Variants in VWC2L observed in about 807,000 individuals in gnomAD.
VWC2L encodes von Willebrand factor C domain containing 2 like.
In VWC2L, 10 loss-of-function variants were observed where a neutral mutation model predicts 21.6. The ratio of observed to expected loss-of-function variants is 0.46; its 90% confidence interval spans 0.29 to 0.78. VWC2L has a LOEUF of 0.78. Ranked by LOEUF, VWC2L falls within the 30% of genes least tolerant of loss-of-function variation. The pLI is 0.10. For missense variants in VWC2L, 209 were observed against 277.1 expected (o/e 0.75, Z 1.74); for synonymous variants, 96 against 94.3 (o/e 1.02, Z -0.10).
At chr2:214,564,967 T>A (rs1445297854) in intron 3 of VWC2L, among the ~76,000 whole-genome samples, 1 of 152,206 alleles carries the variant, frequency 6.6e-6, no homozygotes, top group Non-Finnish European at 1.5e-5. Context: ...CATCCTCATA[T>A]AATCCTATAC....
intron 3 of VWC2L, among the ~76,000 whole-genome samples, chr2:214,526,144 T>G (rs757023200): frequency 6.6e-6 from 1 of 151,274 alleles, no homozygotes; most frequent in African/African-American, 2.4e-5. Context: ...GAATAACGTA[T>G]ATATCCACAG....
rs567449363 is a variant in VWC2L at position 214,486,716 on chromosome 2, C to T, written c.520+49958C>T. On this transcript the variant is annotated intron_variant, in intron 3 of 3. Coordinates refer to ENST00000312504, the MANE Select transcript of VWC2L (RefSeq NM_001080500.4). Reference sequence around the variant, plus strand: ...TTATTTATTTTTTTCTTTACTGCAACTTTTCCATCCTATCACTGGGTCTGC... The same window carrying T: ...TTATTTATTTTTTTCTTTACTGCAATTTTTCCATCCTATCACTGGGTCTGC... Among the ~76,000 whole-genome samples, 9 of 152,126 alleles carry T rather than the reference C, an allele frequency of 5.9e-5. No homozygotes were observed. In the Admixed American group the frequency reaches 5.9e-4, roughly 10 times the overall value.
intron 3 of VWC2L, among the ~76,000 whole-genome samples, chr2:214,541,755 C>A (rs536888270): frequency 6.6e-6 from 1 of 152,256 alleles, no homozygotes; most frequent in East Asian, 1.9e-4. Flanking sequence ...TGACAACTAG[C>A]ACATACACAA....
chr2:214,418,436 A>C (rs1427039494), intron 2 of VWC2L, among the ~76,000 whole-genome samples: 1 of 152,124 alleles, frequency 6.6e-6, no homozygotes, highest in Non-Finnish European at 1.5e-5. Flanking sequence ...TGCAGAATCT[A>C]AGCTCCTCAC....
intron 3 of VWC2L, among the ~76,000 whole-genome samples, chr2:214,528,759 AG>A (rs1431306283): frequency 6.6e-6 from 1 of 152,190 alleles, no homozygotes; most frequent in Non-Finnish European, 1.5e-5. Context: ...CACACAGAGT[AG>A]AAAAAACAAA....
At chr2:214,440,234 T>C (rs1380335719) in intron 3 of VWC2L, among the ~76,000 whole-genome samples, 1 of 151,958 alleles carries the variant, frequency 6.6e-6, no homozygotes, top group East Asian at 1.9e-4. Context: ...AGACACATAA[T>C]AGGAGGAAAA....
chr2:214,575,629 C>A (rs1318331758), intron 3 of VWC2L, 43 bp from the exon 4 acceptor site: 1 of 1,602,328 alleles, frequency 6.2e-7, no homozygotes, highest in East Asian at 2.2e-5. Flanking sequence ...GAAAGGGAGC[C>A]TCTCAGATTT....
At chr2:214,468,880 A>G (rs1241665035) in intron 3 of VWC2L, among the ~76,000 whole-genome samples, 1 of 152,222 alleles carries the variant, frequency 6.6e-6, no homozygotes, top group Non-Finnish European at 1.5e-5. Flanking sequence ...AAGATATGGA[A>G]TACACAAACT....
chr2:214,429,207 CT>C (rs1702566867), intron 2 of VWC2L, among the ~76,000 whole-genome samples: 1 of 152,178 alleles, frequency 6.6e-6, no homozygotes, highest in Admixed American at 6.5e-5. Context: ...CAGTTGCTCA[CT>C]TTTTTCCTGT....
intron 3 of VWC2L, among the ~76,000 whole-genome samples, chr2:214,465,524 C>T (rs1245698448): frequency 2.0e-5 from 3 of 152,198 alleles, no homozygotes; most frequent in South Asian, 2.1e-4. Context: ...ATAAAGTCCT[C>T]TTTACTCTCC....
chr2:214,486,735 G>T (rs535254786), intron 3 of VWC2L, among the ~76,000 whole-genome samples: 1 of 152,002 alleles, frequency 6.6e-6, no homozygotes, highest in South Asian at 2.1e-4. Flanking sequence ...CCTATCACTG[G>T]GTCTGCCTAA....
intron 3 of VWC2L, among the ~76,000 whole-genome samples, chr2:214,508,143 A>AT (rs1211479992): frequency 6.6e-6 from 1 of 151,750 alleles, no homozygotes; most frequent in Non-Finnish European, 1.5e-5. Context: ...TGCCCGGCTA[A>AT]TTTTTTATAT....
Position 214,440,396 on chromosome 2 carries a change from C to T in VWC2L, c.520+3638C>T, listed in dbSNP as rs1480586446. ...GCCTTCCTGAAAAATATGACATTTT[C>T]AGACTGTTTTTCTTTCCCTGAGATT... is the stretch of plus-strand genomic sequence containing the variant. On this transcript the variant is annotated intron_variant, in intron 3 of 3. Coordinates refer to ENST00000312504, the MANE Select transcript of VWC2L (RefSeq NM_001080500.4). Among the ~76,000 whole-genome samples the T allele has an allele frequency of 3.3e-5, 5 of 152,114 alleles. No homozygotes were observed. In the East Asian group the frequency reaches 9.6e-4, roughly 29 times the overall value.
chr2:214,440,236 G>A (rs990602452), intron 3 of VWC2L, among the ~76,000 whole-genome samples: 1 of 151,956 alleles, frequency 6.6e-6, no homozygotes, highest in Non-Finnish European at 1.5e-5. Context: ...ACACATAATA[G>A]GAGGAAAAAG....
chr2:214,454,892 G>A lies in VWC2L; in HGVS notation c.520+18134G>A, dbSNP rs1351386161. On this transcript the variant is annotated intron_variant, in intron 3 of 3. Coordinates refer to ENST00000312504, the MANE Select transcript of VWC2L (RefSeq NM_001080500.4). ...GCTGGGATTACAGGCTTGAGCCACCGTACCCGGGCTAAGTCAACTTTGCAT... is the reference window on the plus strand; with the variant it reads ...GCTGGGATTACAGGCTTGAGCCACCATACCCGGGCTAAGTCAACTTTGCAT... 3.9e-5 allele frequency among the ~76,000 whole-genome samples: 6 copies of A among 152,122 alleles called. No homozygotes were observed. In the East Asian group the frequency reaches 5.8e-4, roughly 15 times the overall value.
intron 3 of VWC2L, among the ~76,000 whole-genome samples, chr2:214,495,461 C>T (rs1247709315): frequency 6.6e-6 from 1 of 152,090 alleles, no homozygotes; most frequent in Non-Finnish European, 1.5e-5. Flanking sequence ...CTGTTACTTG[C>T]CAAGATAATA....
chr2:214,542,135 A>G (rs1273521386), intron 3 of VWC2L, among the ~76,000 whole-genome samples: 1 of 152,166 alleles, frequency 6.6e-6, no homozygotes, highest in African/African-American at 2.4e-5. Context: ...TCTCACCACT[A>G]GATTATTAAC....
chr2:214,450,345 A>G (rs1702934956), intron 3 of VWC2L, among the ~76,000 whole-genome samples: 1 of 152,182 alleles, frequency 6.6e-6, no homozygotes, highest in Non-Finnish European at 1.5e-5. Flanking sequence ...AGGGACAGAA[A>G]AGCTGTTCAA....
At chr2:214,419,632 G>A (rs1274972563) in intron 2 of VWC2L, among the ~76,000 whole-genome samples, 1 of 152,142 alleles carries the variant, frequency 6.6e-6, no homozygotes, top group Non-Finnish European at 1.5e-5. Context: ...ATTTGCCCAA[G>A]ATCAGTGCCC....
Sources: allele counts gnomAD v4.1 joint callset (sites outside exome capture counted in the v4.1 genomes callset), GRCh38; gene constraint gnomAD v4.1.1; transcripts MANE v1.5; gene names NCBI Gene and HGNC (gene_info 2026-07-23, HGNC 2026-07-21).